BRD4: variants seen among roughly 807,000 people sequenced by gnomAD.
BRD4 encodes the protein bromodomain-containing protein 4.
In BRD4, 16 loss-of-function variants were observed where a neutral mutation model predicts 142.1. The ratio of observed to expected loss-of-function variants is 0.11; its 90% confidence interval spans 0.08 to 0.17. BRD4 has a LOEUF of 0.17. Among genes scored for constraint, BRD4 ranks in the 10% least tolerant of loss-of-function variants. BRD4 has a pLI of 1.00. For missense variants in BRD4, 1,424 were observed against 1,810.9 expected (o/e 0.79, Z 3.88); for synonymous variants, 833 against 707.5 (o/e 1.18, Z -2.82).
chr19:15,316,155 CAAAAAA>C (rs980486654), intron 1 of BRD4, among the ~76,000 whole-genome samples: 4 of 33,064 alleles, frequency 1.2e-4, no homozygotes, highest in Admixed American at 3.8e-4. Context: ...GACACCGTCT[CAAAAAA>C]AAAAAAAAAA....
chr19:15,320,359 T>C (rs572315820), intron 1 of BRD4, among the ~76,000 whole-genome samples: 3 of 152,258 alleles, frequency 2.0e-5, no homozygotes, highest in South Asian at 2.1e-4. Context: ...AGTATGGAAA[T>C]AGCTTAGCAA....
At chr19:15,313,683 G>C (rs1269191039) in intron 1 of BRD4, among the ~76,000 whole-genome samples, 1 of 152,116 alleles carries the variant, frequency 6.6e-6, no homozygotes, top group African/African-American at 2.4e-5. Flanking sequence ...CTCAAAAAAA[G>C]TGTGAATGTA....
intron 1 of BRD4, among the ~76,000 whole-genome samples, chr19:15,284,564 T>C (rs2047727050): frequency 6.6e-6 from 1 of 152,160 alleles, no homozygotes; most frequent in South Asian, 2.1e-4. Flanking sequence ...GTCCCCACCT[T>C]CCAGGCAACA....
At chr19:15,309,111 C>T (rs1599513470) in intron 1 of BRD4, among the ~76,000 whole-genome samples, 1 of 151,684 alleles carries the variant, frequency 6.6e-6, no homozygotes, top group Middle Eastern at 3.4e-3. Flanking sequence ...CTGAGGCGAG[C>T]AGATCACAAG....
At chr19:15,274,565 G>A (rs150941205) in intron 1 of BRD4, among the ~76,000 whole-genome samples, 1,576 of 152,342 alleles carry the variant, frequency 0.01, 25 homozygotes, top group African/African-American at 0.037. Context: ...GCAGGGGCAG[G>A]AGCAGCCCAG....
intron 1 of BRD4, among the ~76,000 whole-genome samples, chr19:15,308,319 T>C (rs1212224044): frequency 4.0e-5 from 6 of 151,268 alleles, no homozygotes; most frequent in Non-Finnish European, 2.9e-5. Context: ...CTGGGCGCGG[T>C]GGCTCACCCC....
At chr19:15,317,610 G>A (rs1031439899) in intron 1 of BRD4, among the ~76,000 whole-genome samples, 4 of 151,972 alleles carry the variant, frequency 2.6e-5, no homozygotes, top group South Asian at 2.1e-4. Flanking sequence ...GTGGGGGGTG[G>A]TGGGCAAGGG....
chr19:15,276,355 C>T (rs983714463), intron 1 of BRD4, among the ~76,000 whole-genome samples: 1 of 152,182 alleles, frequency 6.6e-6, no homozygotes. Context: ...ATTCTTCCCA[C>T]AGCGGTTCCC....
intron 1 of BRD4, among the ~76,000 whole-genome samples, chr19:15,319,584 A>T (rs1462934107): frequency 6.6e-6 from 1 of 151,826 alleles, no homozygotes; most frequent in African/African-American, 2.4e-5. Context: ...ACTGCACTCC[A>T]GCCTGGGCAA....
chr19:15,274,678 C>T (rs2047626993), intron 1 of BRD4, among the ~76,000 whole-genome samples: 1 of 152,188 alleles, frequency 6.6e-6, no homozygotes, highest in Non-Finnish European at 1.5e-5. Context: ...AATCTCTAAG[C>T]AATGCCCTTG....
rs1050546912 is a variant in BRD4, at chr19:15,246,218, A to T, written c.2159-1456T>A. On this transcript the variant is annotated intron_variant, in intron 11 of 19. Transcript: ENST00000679869. ...GATACTGTTGTGGGTGAGACATGCC[A>T]GAAGGGAAAGCTTGAGTAGATTTGC... Among the ~76,000 whole-genome samples, 4 of 152,190 alleles carry T rather than the reference A, an allele frequency of 2.6e-5. No individual in the cohort carries two copies. In the South Asian group the frequency reaches 8.3e-4, roughly 31 times the overall value.
intron 1 of BRD4, among the ~76,000 whole-genome samples, chr19:15,316,300 C>A (rs1045494751): frequency 6.6e-6 from 1 of 152,082 alleles, no homozygotes; most frequent in Non-Finnish European, 1.5e-5. Context: ...AACCATCCCG[C>A]TTCTATATTC....
intron 1 of BRD4, among the ~76,000 whole-genome samples, chr19:15,329,959 T>C (rs901433165): frequency 6.6e-6 from 1 of 152,232 alleles, no homozygotes; most frequent in African/African-American, 2.4e-5. Context: ...GTGGAAATGT[T>C]ACTAAGTGGC....
chr19:15,285,106 T>A (rs1370218488), intron 1 of BRD4, among the ~76,000 whole-genome samples: 1 of 152,224 alleles, frequency 6.6e-6, no homozygotes, highest in African/African-American at 2.4e-5. Flanking sequence ...GCAGCCAAGT[T>A]GGCATCTTGC....
intron 14 of BRD4, 121 bp downstream of exon 14, chr19:15,242,779 C>T: frequency 6.9e-7 from 1 of 1,452,534 alleles, no homozygotes; most frequent in Non-Finnish European, 9.2e-7. Context: ...CCCCTCCAAG[C>T]TGAGGCTCAG....
At chr19:15,263,168 C>G (rs2047492636) in intron 7 of BRD4, among the ~76,000 whole-genome samples, 1 of 152,216 alleles carries the variant, frequency 6.6e-6, no homozygotes, top group African/African-American at 2.4e-5. Context: ...CAGCACACAC[C>G]CGGTCTTCCA....
intron 1 of BRD4, among the ~76,000 whole-genome samples, chr19:15,323,178 TAAAAAAAAAA>T (rs1017018376): frequency 0.011 from 770 of 73,076 alleles, 17 homozygotes; most frequent in Middle Eastern, 0.029. Flanking sequence ...TCCATCTCTT[TAAAAAAAAAA>T]AAAAAAAAAA....
rs1362108244 is a variant in BRD4, at chr19:15,268,860, C to G, written c.423+45G>C. 1.3e-5 allele frequency: 21 copies of G among 1,608,200 alleles called. 1 individual carries two copies. Among genetic ancestry groups the G allele is most frequent in the Middle Eastern group, 1.7e-4 (1 of 5,744 alleles). ...GACATGCCCACTGCCGTCGCCTCCC[C>G]TCCTCTCTCCCCAGGGCAGCTGGAC... On this transcript the variant is annotated intron_variant, in intron 3 of 19. Transcript: ENST00000679869.
intron 11 of BRD4, chr19:15,253,505 A>G (rs2047370369): frequency 6.7e-7 from 1 of 1,491,188 alleles, no homozygotes; most frequent in Non-Finnish European, 9.0e-7. Context: ...ACTGTTAGTT[A>G]GAACTGCAGG....
Sources: gnomAD v4.1 joint callset for allele counts (sites outside exome capture counted in the v4.1 genomes callset) on GRCh38, gnomAD v4.1.1 for gene constraint, MANE v1.5 for transcripts, NCBI Gene and HGNC (gene_info 2026-07-23, HGNC 2026-07-21) for gene names.